STAB2: variants seen among roughly 807,000 people sequenced by gnomAD.
The protein encoded by STAB2 is stabilin-2.
A neutral mutation model predicts 338.1 loss-of-function variants in STAB2; 288 were observed. That is an observed-to-expected ratio of 0.85 (90% CI 0.77 to 0.94). The LOEUF (loss-of-function observed/expected upper bound fraction) is 0.94. Among genes scored for constraint, STAB2 ranks in the 40% least tolerant of loss-of-function variants. The pLI is 0.00. For synonymous variants in STAB2, 1,202 were observed against 1,193.3 expected (o/e 1.01, Z -0.15); for missense variants, 3,141 against 3,210.1 (o/e 0.98, Z 0.52).
At chr12:103,750,087 T>G (rs1346938590) in intron 59 of STAB2, among the ~76,000 whole-genome samples, 1 of 152,036 alleles carries the variant, frequency 6.6e-6, no homozygotes, top group African/African-American at 2.4e-5. Flanking sequence ...AGAGTTGTTG[T>G]GGGGATTAAA....
chr12:103,593,740 G>A (rs1295153422), intron 2 of STAB2, among the ~76,000 whole-genome samples: 3 of 152,200 alleles, frequency 2.0e-5, no homozygotes, highest in Non-Finnish European at 4.4e-5. Flanking sequence ...ATGAAGGATT[G>A]TCTCTAGATA....
At chr12:103,765,799 C>A (rs1033689165) in intron 68 of STAB2, among the ~76,000 whole-genome samples, 2 of 149,580 alleles carry the variant, frequency 1.3e-5, no homozygotes, top group Non-Finnish European at 3.0e-5. Context: ...GCCTCAGCCT[C>A]CCGAAGTGCT....
intron 3 of STAB2, among the ~76,000 whole-genome samples, chr12:103,619,476 G>A (rs1228121458): frequency 6.6e-6 from 1 of 151,946 alleles, no homozygotes; most frequent in Non-Finnish European, 1.5e-5. Flanking sequence ...ATTTGATTGT[G>A]GGCATTGTAA....
intron 62 of STAB2, 29 bp from the exon 63 acceptor site, chr12:103,755,583 G>A: frequency 6.2e-7 from 1 of 1,613,712 alleles, no homozygotes; most frequent in African/African-American, 1.3e-5. Context: ...CCTTACTTGT[G>A]TGGGACCCTG....
At chr12:103,686,822 C>T (rs1877478453) in intron 27 of STAB2, among the ~76,000 whole-genome samples, 1 of 152,140 alleles carries the variant, frequency 6.6e-6, no homozygotes, top group African/African-American at 2.4e-5. Context: ...CAGCTTTCCG[C>T]TGCAGTTTAG....
At chr12:103,631,170 T>C (rs1171868937) in intron 5 of STAB2, among the ~76,000 whole-genome samples, 3 of 152,218 alleles carry the variant, frequency 2.0e-5, no homozygotes, top group Non-Finnish European at 4.4e-5. Context: ...TATCCTTGCA[T>C]CACCCCATCA....
chr12:103,679,035 A>T (rs1163575457), intron 25 of STAB2, among the ~76,000 whole-genome samples: 1 of 152,120 alleles, frequency 6.6e-6, no homozygotes, highest in African/African-American at 2.4e-5. Flanking sequence ...AAAGTTAGTG[A>T]TCTGTACAGA....
chr12:103,702,146 A>G (rs937009108), intron 34 of STAB2, among the ~76,000 whole-genome samples: 68 of 151,836 alleles, frequency 4.5e-4, no homozygotes, highest in Non-Finnish European at 4.4e-5. Context: ...CCTAAAAAAA[A>G]AAAAAAAAAT....
chr12:103,661,944 G>T (rs1467556966), intron 17 of STAB2, among the ~76,000 whole-genome samples: 1 of 152,170 alleles, frequency 6.6e-6, no homozygotes, highest in Non-Finnish European at 1.5e-5. Flanking sequence ...AAGGATGCAG[G>T]CTCTTACTTG....
intron 39 of STAB2, among the ~76,000 whole-genome samples, chr12:103,710,882 T>C (rs922626124): frequency 6.6e-6 from 1 of 152,208 alleles, no homozygotes; most frequent in Non-Finnish European, 1.5e-5. Flanking sequence ...TTCTGGATCT[T>C]GTCCTGTCAA....
chr12:103,701,138 A>T (rs1288868642), intron 34 of STAB2, among the ~76,000 whole-genome samples: 3 of 151,626 alleles, frequency 2.0e-5, no homozygotes, highest in Non-Finnish European at 4.4e-5. Flanking sequence ...TTTACTGACA[A>T]TGATGATTTC....
At chr12:103,691,736 T>A (rs1877955275) in intron 30 of STAB2, among the ~76,000 whole-genome samples, 1 of 152,226 alleles carries the variant, frequency 6.6e-6, no homozygotes, top group Non-Finnish European at 1.5e-5. Context: ...TTCATTCCTA[T>A]GTCCTATATA....
chr12:103,587,645 AGG>A lies in STAB2; in HGVS notation c.81+90_81+91del, dbSNP rs1271595299. ...CGTTTTCCTCTGTTGTTATGGGTAA[AGG>A]GTGAAATCTGGACTTTATAAAATAC... is the stretch of plus-strand genomic sequence containing the variant. On this transcript the variant is annotated intron_variant, in intron 1 of 68. Transcript: ENST00000388887. 13 of 1,083,272 alleles carry A rather than the reference AGG, an allele frequency of 1.2e-5. No individual in the cohort carries two copies. In the Admixed American group the frequency reaches 2.7e-4, roughly 23 times the overall value. 67.1% of individuals were successfully genotyped at this position (1,083,272 alleles called of 1,614,324 possible).
chr12:103,688,899 A>G (rs560957179), intron 28 of STAB2, among the ~76,000 whole-genome samples: 1 of 152,354 alleles, frequency 6.6e-6, no homozygotes, highest in South Asian at 2.1e-4. Context: ...CTGATTGTGC[A>G]CATTTTTCCT....
chr12:103,744,935 C>T (rs757392579), intron 56 of STAB2, among the ~76,000 whole-genome samples: 1 of 152,176 alleles, frequency 6.6e-6, no homozygotes, highest in African/African-American at 2.4e-5. Context: ...CTGTAAGCCC[C>T]ATGAGAACAG....
chr12:103,714,842 G>A (rs770101055), intron 42 of STAB2, among the ~76,000 whole-genome samples: 6 of 152,076 alleles, frequency 3.9e-5, no homozygotes, highest in East Asian at 1.9e-4. Context: ...AGCCTCTTAC[G>A]TAACCACAGC....
intron 49 of STAB2, among the ~76,000 whole-genome samples, chr12:103,731,132 C>T (rs1881605595): frequency 6.6e-6 from 1 of 152,152 alleles, no homozygotes; most frequent in African/African-American, 2.4e-5. Context: ...TTACCACCAA[C>T]ACCAGGCTGT....
chr12:103,677,547 G>C lies in STAB2; in HGVS notation c.2741G>C (p.Cys914Ser), dbSNP rs768770760. Residue 914 changes from cysteine (C) to serine (S), a missense_variant, in exon 25 of 69, where the codon TGC becomes TCC. Physicochemically the swap from Cys to Ser is moderately radical, Grantham distance 112. Transcript: ENST00000388887. Reference sequence around the variant, plus strand: ...AGAGACTGCTCGGAGATCAACAACTGCCTGCTGCCCAGTGCAGGCGGCTGC... The same window carrying C: ...AGAGACTGCTCGGAGATCAACAACTCCCTGCTGCCCAGTGCAGGCGGCTGC... ...NGRDCSEINN[C>S]LLPSAGGCHD... 1 of 1,614,220 alleles carries C rather than the reference G, an allele frequency of 6.2e-7. No individual in the cohort carries two copies. Among genetic ancestry groups the C allele is most frequent in the East Asian group, 2.2e-5 (1 of 44,880 alleles).
intron 58 of STAB2, among the ~76,000 whole-genome samples, chr12:103,747,218 A>G (rs1883131169): frequency 1.3e-5 from 2 of 151,978 alleles, no homozygotes; most frequent in African/African-American, 4.8e-5. Context: ...ACCTAAACAT[A>G]CTCTCACCAC....
Sources: allele counts gnomAD v4.1 joint callset (sites outside exome capture counted in the v4.1 genomes callset), GRCh38; gene constraint gnomAD v4.1.1; transcripts MANE v1.5; gene names NCBI Gene and HGNC (gene_info 2026-07-23, HGNC 2026-07-21).